The following KPNA7 variants were observed in gnomAD, a reference collection of about 807,000 sequenced individuals.
The protein encoded by KPNA7 is importin subunit alpha-8.
A neutral mutation model predicts 53.7 loss-of-function variants in KPNA7; 54 were observed. The ratio of observed to expected loss-of-function variants is 1.01; its 90% confidence interval spans 0.81 to 1.26. The LOEUF (loss-of-function observed/expected upper bound fraction) is 1.26, where lower values mean the gene tolerates loss of function less well. Ranked by LOEUF, KPNA7 falls within the 50% of genes most tolerant of loss-of-function variation. The probability of loss-of-function intolerance (pLI) is 0.00; values close to 1 mark genes in which losing one functional copy is unlikely to be tolerated. For missense variants in KPNA7, 640 were observed against 644.5 expected (o/e 0.99, Z 0.07); for synonymous variants, 276 against 259.3 (o/e 1.06, Z -0.62).
intron 1 of KPNA7, among the ~76,000 whole-genome samples, chr7:99,217,346 CAGA>C (rs759718318): frequency 1.3e-5 from 2 of 152,166 alleles, no homozygotes; most frequent in Admixed American, 6.6e-5. Context: ...TCTGTATGTT[CAGA>C]TCTGCATCAC....
chr7:99,163,359 G>GTATA, the KPNA7 span, among the ~76,000 whole-genome samples: 95 of 66,398 alleles, frequency 1.4e-3, 3 homozygotes, highest in East Asian at 1.7e-3. Flanking sequence ...ATGAGTGTGT[G>GTATA]TATATATATA....
chr7:99,146,358 C>T, the KPNA7 span, among the ~76,000 whole-genome samples: 1 of 152,066 alleles, frequency 6.6e-6, no homozygotes, highest in South Asian at 2.1e-4. Flanking sequence ...TACAGATGCT[C>T]CTTGATGTAC....
At chr7:99,173,062 CAAAAAAAAA>C (rs923484332), downstream of KPNA7, among the ~76,000 whole-genome samples, 3 of 57,172 alleles carry the variant, frequency 5.2e-5, no homozygotes, top group South Asian at 8.2e-4. Flanking sequence ...AACTCCATCT[CAAAAAAAAA>C]AAAAAAAAAA....
At position 99,176,297 on chromosome 7, in the gene KPNA7, C is replaced by CAAAA. The variant is rs1491289534; in HGVS notation, c.1464+1619_1464+1622dup. ...TGGGCAGCTGAGCGAGACTACGTCT[C>CAAAA]AAAAAAAAAAAAAAAGAAAGAAAGA... is the stretch of plus-strand genomic sequence containing the variant. On this transcript the variant is annotated intron_variant, in intron 10 of 10. Transcript: ENST00000327442. 1.1e-3 allele frequency among the ~76,000 whole-genome samples: 64 copies of CAAAA among 57,050 alleles called. 1 individual carries two copies. The highest frequency in any genetic ancestry group is 2.7e-3 in the African/African-American group (48 of 18,048). 37.4% of individuals were successfully genotyped at this position (57,050 alleles called of 152,430 possible). A position where few individuals can be genotyped will look rare whatever the true frequency, so the allele number is the denominator to read the frequency against.
the KPNA7 span, among the ~76,000 whole-genome samples, chr7:99,167,695 G>A: frequency 8.2e-6 from 1 of 121,772 alleles, no homozygotes; most frequent in African/African-American, 3.2e-5. Flanking sequence ...TGGCCAGGCT[G>A]GTCTCGAATT....
At chr7:99,195,408 G>GT (rs1790178680) in intron 4 of KPNA7, 70 bp from the exon 5 acceptor site, 1 of 1,426,854 alleles carries the variant, frequency 7.0e-7, no homozygotes, top group Non-Finnish European at 9.5e-7. Flanking sequence ...CTCCTTTTAG[G>GT]CCAGGTGCGG....
intron 2 of KPNA7, among the ~76,000 whole-genome samples, chr7:99,204,353 T>C (rs1285068384): frequency 1.3e-5 from 2 of 148,528 alleles, no homozygotes; most frequent in African/African-American, 2.5e-5. Context: ...GCCTGGGCAA[T>C]AGAGCAAGAC....
At chr7:99,209,520 C>G (rs1001383950), upstream of KPNA7, among the ~76,000 whole-genome samples, 3 of 151,686 alleles carry the variant, frequency 2.0e-5, no homozygotes, top group Non-Finnish European at 4.4e-5. Context: ...CCTGTCTCTA[C>G]TAAAAGTACA....
At chr7:99,163,377 A>ATTT in the KPNA7 span, among the ~76,000 whole-genome samples, 33 of 62,368 alleles carry the variant, frequency 5.3e-4, no homozygotes, top group Admixed American at 1.2e-3. Context: ...ATATATATAT[A>ATTT]TATATATTTT....
chr7:99,172,270 A>G (rs1798783902), downstream of KPNA7, among the ~76,000 whole-genome samples: 2 of 152,312 alleles, frequency 1.3e-5, no homozygotes, highest in African/African-American at 2.4e-5. Flanking sequence ...TAAACAGACC[A>G]AAGAGTAGAA....
At chr7:99,159,405 G>A in the KPNA7 span, among the ~76,000 whole-genome samples, 902 of 150,930 alleles carry the variant, frequency 6.0e-3, 13 homozygotes, top group African/African-American at 0.021. Context: ...GCCAGGTGGG[G>A]CAGGGGGCAG....
At chr7:99,169,542 T>C (rs1213257086), downstream of KPNA7, among the ~76,000 whole-genome samples, 2 of 151,116 alleles carry the variant, frequency 1.3e-5, no homozygotes, top group Non-Finnish European at 3.0e-5. Flanking sequence ...CGCTTGAACC[T>C]GGGAATGGAG....
Position 99,207,385 on chromosome 7 carries a change from G to C in KPNA7, c.66+16C>G. ...CACTGGTCCCCAATAGAAGCAGGTG[G>C]GTGCTTCATACTCACAGACACATCT... On this transcript the variant is annotated intron_variant, in intron 2 of 10. Transcript: ENST00000327442. 6.5e-7 allele frequency: 1 copy of C among 1,548,686 alleles called. No individual in the cohort carries two copies. The highest frequency in any genetic ancestry group is 2.4e-5 in the East Asian group (1 of 40,878).
intron 3 of KPNA7, among the ~76,000 whole-genome samples, chr7:99,197,681 T>A (rs1474833628): frequency 6.6e-6 from 1 of 152,168 alleles, no homozygotes; most frequent in Non-Finnish European, 1.5e-5. Flanking sequence ...ATACAATAAC[T>A]GAAACAAAAA....
intron 8 of KPNA7, among the ~76,000 whole-genome samples, chr7:99,182,792 A>C (rs991971387): frequency 1.6e-4 from 24 of 150,852 alleles, no homozygotes; most frequent in African/African-American, 5.6e-4. Context: ...CAATTCAGGT[A>C]ATCTACACAG....
chr7:99,217,786 A>G (rs1791250686), intron 1 of KPNA7, among the ~76,000 whole-genome samples: 2 of 151,356 alleles, frequency 1.3e-5, no homozygotes, highest in African/African-American at 4.9e-5. Context: ...ACACACCACC[A>G]CACCCAGCTA....
In KPNA7 at chr7:99,185,489, C is replaced by T. The variant is rs116466797; in HGVS notation, c.901-327G>A. ...AGCCTCCCAAGTATCTGGGACTATACGGATGTGCCACCATGCCCGGCTAAT... is the reference window on the plus strand; with the variant it reads ...AGCCTCCCAAGTATCTGGGACTATATGGATGTGCCACCATGCCCGGCTAAT... On this transcript the variant is annotated intron_variant, in intron 7 of 10. Coordinates refer to ENST00000327442, the MANE Select transcript of KPNA7 (RefSeq NM_001145715.3). 6.0e-3 allele frequency among the ~76,000 whole-genome samples: 914 copies of T among 152,206 alleles called. 7 individuals carry two copies. The highest frequency in any genetic ancestry group is 0.021 in the African/African-American group (889 of 41,530).
Position 99,218,305 on chromosome 7 carries a change from TTTC to T in KPNA7, c.-23-10819_-23-10817del, listed in dbSNP as rs1293333625. 3.9e-4 allele frequency among the ~76,000 whole-genome samples: 60 copies of T among 152,218 alleles called. 1 individual carries two copies. Among genetic ancestry groups the T allele is most frequent in the South Asian group, 8.4e-4 (4 of 4,786 alleles). Reference sequence around the variant, plus strand: ...CCTGGCTGATTTTTTCAAATTTTTTTTTCTTTTTTTTGTAGAAACAGGGTCTTT... The same window carrying T: ...CCTGGCTGATTTTTTCAAATTTTTTTTTTTTTTTGTAGAAACAGGGTCTTT... On this transcript the variant is annotated intron_variant, in intron 1 of 10. Coordinates refer to the KPNA7 transcript ENST00000681060.
At chr7:99,155,896 G>A in the KPNA7 span, among the ~76,000 whole-genome samples, 1 of 151,972 alleles carries the variant, frequency 6.6e-6, no homozygotes, top group Non-Finnish European at 1.5e-5. Context: ...GTATCATCTG[G>A]CATCTTAGCC....
Sources: allele counts gnomAD v4.1 joint callset (sites outside exome capture counted in the v4.1 genomes callset), GRCh38; gene constraint gnomAD v4.1.1; transcripts MANE v1.5; gene names NCBI Gene and HGNC (gene_info 2026-07-23, HGNC 2026-07-21).